The following CDH18 variants were observed in gnomAD, a reference collection of about 807,000 sequenced individuals.
CDH18 encodes the protein cadherin 18, also known as cadherin-18.
Under a neutral mutation model 67.9 loss-of-function variants are expected in CDH18, and 31 were observed. The ratio of observed to expected loss-of-function variants is 0.46; its 90% confidence interval spans 0.34 to 0.62. The LOEUF is 0.62. Among genes scored for constraint, CDH18 ranks in the 20% least tolerant of loss-of-function variants. The pLI is 0.01. For missense variants in CDH18, 890 were observed against 975.5 expected (o/e 0.91, Z 1.17); for synonymous variants, 362 against 347.2 (o/e 1.04, Z -0.48).
chr5:20,092,127 G>T (rs1745492274), intron 2 of CDH18, among the ~76,000 whole-genome samples: 2 of 152,038 alleles, frequency 1.3e-5, no homozygotes, highest in African/African-American at 2.4e-5. Context: ...AAATACCTCA[G>T]AATCATTTCA....
At chr5:20,341,307 A>C (rs1252683088) in intron 1 of CDH18, among the ~76,000 whole-genome samples, 3 of 151,926 alleles carry the variant, frequency 2.0e-5, no homozygotes, top group African/African-American at 7.3e-5. Flanking sequence ...AGGTGGAAAA[A>C]CGTAAAGAGA....
intron 2 of CDH18, among the ~76,000 whole-genome samples, chr5:20,114,687 T>C (rs1747745600): frequency 6.6e-6 from 1 of 152,068 alleles, no homozygotes; most frequent in East Asian, 1.9e-4. Flanking sequence ...CAAATTCACA[T>C]CCCAGATGGT....
At chr5:20,114,070 A>G (rs1326228996) in intron 2 of CDH18, among the ~76,000 whole-genome samples, 1 of 152,150 alleles carries the variant, frequency 6.6e-6, no homozygotes, top group Non-Finnish European at 1.5e-5. Flanking sequence ...TTTTAGAAGC[A>G]TTTGTGATGT....
chr5:19,753,380 T>C (rs936967862), intron 3 of CDH18, among the ~76,000 whole-genome samples: 1 of 152,060 alleles, frequency 6.6e-6, no homozygotes, highest in Admixed American at 6.6e-5. Flanking sequence ...CAGATAGAAA[T>C]GCAAAATTTT....
intron 1 of CDH18, among the ~76,000 whole-genome samples, chr5:20,261,099 A>G (rs1580610178): frequency 1.3e-5 from 2 of 152,306 alleles, no homozygotes; most frequent in African/African-American, 4.8e-5. Context: ...TCATAATAAC[A>G]TTAGGAATCC....
intron 2 of CDH18, among the ~76,000 whole-genome samples, chr5:20,137,892 G>A (rs963950135): frequency 6.6e-6 from 1 of 152,064 alleles, no homozygotes; most frequent in African/African-American, 2.4e-5. Context: ...GGTACAAAGA[G>A]GAGCTGGTAC....
At chr5:19,952,529 G>A (rs1212096670) in intron 2 of CDH18, among the ~76,000 whole-genome samples, 2 of 152,094 alleles carry the variant, frequency 1.3e-5, no homozygotes, top group Non-Finnish European at 2.9e-5. Context: ...AGTACCTTAT[G>A]TGTCCTTCTT....
chr5:20,254,124 T>G (rs1401585672), intron 2 of CDH18, among the ~76,000 whole-genome samples: 7 of 152,162 alleles, frequency 4.6e-5, no homozygotes, highest in Non-Finnish European at 1.0e-4. Context: ...TTGTTTTTTG[T>G]TTTTCTGAGA....
At chr5:20,478,757 C>T (rs1752602528) in intron 1 of CDH18, among the ~76,000 whole-genome samples, 1 of 152,176 alleles carries the variant, frequency 6.6e-6, no homozygotes, top group Non-Finnish European at 1.5e-5. Flanking sequence ...TTTGAGTGAA[C>T]ATCAGCAATA....
intron 7 of CDH18, among the ~76,000 whole-genome samples, chr5:19,576,398 A>G (rs1440211085): frequency 6.6e-6 from 1 of 152,206 alleles, no homozygotes; most frequent in East Asian, 1.9e-4. Flanking sequence ...ACTCAAAAAA[A>G]AAATACAAAT....
chr5:19,880,012 G>C (rs1787452129), intron 2 of CDH18, among the ~76,000 whole-genome samples: 1 of 151,886 alleles, frequency 6.6e-6, no homozygotes, highest in Non-Finnish European at 1.5e-5. Flanking sequence ...TTTCTATTTA[G>C]GGGCATTAAA....
intron 1 of CDH18, among the ~76,000 whole-genome samples, chr5:20,294,011 A>G (rs1747299791): frequency 6.6e-6 from 1 of 152,212 alleles, no homozygotes; most frequent in Admixed American, 6.5e-5. Context: ...TAGGACCCCA[A>G]TAAATATTTT....
intron 1 of CDH18, among the ~76,000 whole-genome samples, chr5:20,513,200 T>C (rs1755154649): frequency 6.6e-6 from 1 of 152,180 alleles, no homozygotes; most frequent in African/African-American, 2.4e-5. Context: ...AATCTGAGAT[T>C]CCACAGTGCT....
At chr5:19,649,751 T>C (rs1427045291) in intron 5 of CDH18, among the ~76,000 whole-genome samples, 1 of 152,056 alleles carries the variant, frequency 6.6e-6, no homozygotes, top group African/African-American at 2.4e-5. Context: ...ACATTATATA[T>C]TATATGATAA....
intron 2 of CDH18, among the ~76,000 whole-genome samples, chr5:20,102,439 C>T (rs141785307): frequency 5.4e-4 from 82 of 152,150 alleles, no homozygotes; most frequent in Non-Finnish European, 1.0e-3. Flanking sequence ...GGCTCATTAC[C>T]GGCTGGGGTT....
intron 1 of CDH18, among the ~76,000 whole-genome samples, chr5:20,399,337 T>G (rs546229282): frequency 3.0e-4 from 46 of 152,160 alleles, no homozygotes; most frequent in African/African-American, 1.0e-3. Flanking sequence ...CAAAAAGGAA[T>G]GTGAGGGAGA....
intron 2 of CDH18, among the ~76,000 whole-genome samples, chr5:19,883,946 C>G (rs1561502989): frequency 3.9e-5 from 6 of 152,072 alleles, no homozygotes. Context: ...TGAAACATGA[C>G]TTAAAGAATA....
At chr5:20,153,944 T>C (rs1025615637) in intron 2 of CDH18, among the ~76,000 whole-genome samples, 5 of 152,202 alleles carry the variant, frequency 3.3e-5, no homozygotes, top group African/African-American at 1.2e-4. Context: ...CTGTGTCATA[T>C]GATATGTTAA....
chr5:19,479,797 T>C (rs1739096400), intron 12 of CDH18, among the ~76,000 whole-genome samples: 1 of 152,120 alleles, frequency 6.6e-6, no homozygotes, highest in Admixed American at 6.6e-5. Flanking sequence ...ACGGCTCAAA[T>C]ATGCTTTTAC....
Sources: allele counts gnomAD v4.1 joint callset (sites outside exome capture counted in the v4.1 genomes callset), GRCh38; gene constraint gnomAD v4.1.1; transcripts MANE v1.5; gene names NCBI Gene and HGNC (gene_info 2026-07-23, HGNC 2026-07-21).